Variants in ARHGEF26 observed in about 807,000 individuals in gnomAD.
ARHGEF26 encodes Rho guanine nucleotide exchange factor (GEF) 26.
ARHGEF26 carries 59 observed loss-of-function variants against 89.4 expected under a neutral mutation model. The observed-to-expected ratio is 0.66, with a 90% CI of 0.54 to 0.82. ARHGEF26 has a LOEUF of 0.82. Ranked by LOEUF, ARHGEF26 falls within the 40% of genes least tolerant of loss-of-function variation. ARHGEF26 has a pLI of 0.00. For synonymous variants in ARHGEF26, 500 were observed against 428.4 expected, an observed-to-expected ratio of 1.17 and a Z score of -2.06; for missense variants, 1,234 against 1,085.6, an observed-to-expected ratio of 1.14 and a Z score of -1.92.
In ARHGEF26 at chr3:154,151,047, C is replaced by T. The variant is rs978440444; in HGVS notation, c.1326+1602C>T. 3.1e-4 allele frequency among the ~76,000 whole-genome samples: 47 copies of T among 152,270 alleles called. 1 individual carries two copies. Among genetic ancestry groups the T allele is most frequent in the African/African-American group, 1.1e-3 (44 of 41,542 alleles). On this transcript the variant is annotated intron_variant, in intron 5 of 14. Coordinates refer to ENST00000465093, the MANE Select transcript of ARHGEF26 (RefSeq NM_015595.4). ...ATTTAGATTAGATTACACACTCTCT[C>T]CTTGATGTAATCAGAAGTAAGGAGT...
chr3:154,238,579 C>T (rs1489418693), intron 11 of ARHGEF26, among the ~76,000 whole-genome samples: 1 of 152,168 alleles, frequency 6.6e-6, no homozygotes, highest in African/African-American at 2.4e-5. Context: ...TCCTAGTGTA[C>T]TGGACTAGGC....
chr3:154,186,450 T>A (rs1471608277), intron 6 of ARHGEF26, among the ~76,000 whole-genome samples: 1 of 152,130 alleles, frequency 6.6e-6, no homozygotes. Context: ...TAAATTGCTA[T>A]CTATTTATAC....
chr3:154,167,197 C>A (rs1051097505), intron 6 of ARHGEF26, among the ~76,000 whole-genome samples: 1 of 152,086 alleles, frequency 6.6e-6, no homozygotes, highest in Non-Finnish European at 1.5e-5. Flanking sequence ...ACATCTGATT[C>A]CTTGATAAAA....
intron 11 of ARHGEF26, among the ~76,000 whole-genome samples, chr3:154,239,261 GGAGA>G (rs869046214): frequency 3.8e-4 from 40 of 105,648 alleles, no homozygotes; most frequent in South Asian, 1.1e-3. Flanking sequence ...AGAGAGAGAG[GGAGA>G]GAGAGAGAGA....
At chr3:154,213,408 T>C (rs1239019422) in intron 9 of ARHGEF26, among the ~76,000 whole-genome samples, 1 of 150,670 alleles carries the variant, frequency 6.6e-6, no homozygotes, top group East Asian at 2.0e-4. Context: ...TATGTTCAAA[T>C]TAATGCTTGT....
chr3:154,142,079 A>G (rs1295279532), intron 4 of ARHGEF26, among the ~76,000 whole-genome samples: 3 of 152,226 alleles, frequency 2.0e-5, no homozygotes, highest in African/African-American at 7.2e-5. Flanking sequence ...TGAATGACAC[A>G]GTTGAAATCA....
At chr3:154,249,652 G>T (rs1718005634) in intron 12 of ARHGEF26, among the ~76,000 whole-genome samples, 1 of 152,122 alleles carries the variant, frequency 6.6e-6, no homozygotes, top group Non-Finnish European at 1.5e-5. Context: ...CAGTGTATTT[G>T]CTGTGCACCT....
At chr3:154,149,059 G>A (rs1719856828) in intron 4 of ARHGEF26, among the ~76,000 whole-genome samples, 1 of 152,124 alleles carries the variant, frequency 6.6e-6, no homozygotes, top group Non-Finnish European at 1.5e-5. Flanking sequence ...TCCTGGCCTT[G>A]TTACCTATTA....
At chr3:154,163,554 A>G (rs1711798693) in intron 6 of ARHGEF26, among the ~76,000 whole-genome samples, 1 of 152,174 alleles carries the variant, frequency 6.6e-6, no homozygotes, top group East Asian at 1.9e-4. Flanking sequence ...ACACATCTGG[A>G]AAATTATTTG....
chr3:154,257,171 G>A lies in ARHGEF26; in HGVS notation c.*1698G>A. On this transcript the variant is annotated 3_prime_UTR_variant, in exon 15 of 15. Transcript: ENST00000465093. ...TCACCTCGGCAATGAGCCAGTGTGG[G>A]GCACTGGGGACTTCTAACCCTTGGA... 1.9e-6 allele frequency: 1 copy of A among 537,648 alleles called. No homozygotes were observed. The allele number at this position is 537,648 out of a possible 1,614,324, so 33.3% of individuals were successfully genotyped here. A position where few individuals can be genotyped will look rare whatever the true frequency, so the allele number is the denominator to read the frequency against.
At chr3:154,208,025 T>A (rs1019519609) in intron 9 of ARHGEF26, among the ~76,000 whole-genome samples, 1 of 152,106 alleles carries the variant, frequency 6.6e-6, no homozygotes, top group Non-Finnish European at 1.5e-5. Flanking sequence ...TTCTCACTTA[T>A]AAGTGAGAGC....
In ARHGEF26 at chr3:154,240,481, C is replaced by T. The variant is rs368654826; in HGVS notation, c.2202C>T (p.Leu734=). The T allele has an allele frequency of 1.9e-6, 3 of 1,613,268 alleles. No individual in the cohort carries two copies. Among genetic ancestry groups the T allele is most frequent in the Non-Finnish European group, 2.5e-6 (3 of 1,179,580 alleles). Residue 734 remains leucine, a synonymous_variant, in exon 12 of 15, where the codon CTC becomes CTT. Transcript: ENST00000465093. ...SSPGKNSSTM[L]YSRQSSASHL... ...CAGGGAAGAACAGCTCCACAATGCT[C>T]TATTCAAGACAGAGCTCTGCCAGTC...
At chr3:154,172,351 T>G (rs1182436696) in intron 6 of ARHGEF26, among the ~76,000 whole-genome samples, 1 of 152,160 alleles carries the variant, frequency 6.6e-6, no homozygotes, top group African/African-American at 2.4e-5. Context: ...TTCATTTGTT[T>G]TCAGAATGTG....
At chr3:154,171,964 G>A (rs140396705) in intron 6 of ARHGEF26, among the ~76,000 whole-genome samples, 1 of 152,130 alleles carries the variant, frequency 6.6e-6, no homozygotes, top group Admixed American at 6.5e-5. Context: ...CAAGCAGGAT[G>A]TAATTTTTTT....
rs1325464846 is a variant in ARHGEF26 at position 154,136,247 on chromosome 3, AAAG to A, written c.1269+6529_1269+6531del. On this transcript the variant is annotated intron_variant, in intron 4 of 14. Coordinates refer to ENST00000465093, the MANE Select transcript of ARHGEF26 (RefSeq NM_015595.4). Reference sequence around the variant, plus strand: ...TAATTTTAATTAAAATATTTTAACTAAAGTATTTTAATTTTAATTAAAGTATTT... The same window carrying A: ...TAATTTTAATTAAAATATTTTAACTATATTTTAATTTTAATTAAAGTATTT... 3.9e-3 allele frequency among the ~76,000 whole-genome samples: 380 copies of A among 97,386 alleles called. 2 individuals carry two copies. Among genetic ancestry groups the A allele is most frequent in the African/African-American group, 0.024 (366 of 15,564 alleles). The allele number at this position is 97,386 out of a possible 152,430, so 63.9% of individuals were successfully genotyped here. A position where few individuals can be genotyped will look rare whatever the true frequency, so the allele number is the denominator to read the frequency against.
chr3:154,207,439 G>A (rs925185174), intron 9 of ARHGEF26, among the ~76,000 whole-genome samples: 1 of 152,136 alleles, frequency 6.6e-6, no homozygotes, highest in Admixed American at 6.5e-5. Flanking sequence ...AGCGGGCAAA[G>A]GACATGAACA....
Position 154,255,744 on chromosome 3 carries a change from T to C in ARHGEF26, c.*271T>C, listed in dbSNP as rs137980039. 2.4e-6 allele frequency: 3 copies of C among 1,230,492 alleles called. No individual in the cohort carries two copies. Among genetic ancestry groups the C allele is most frequent in the Non-Finnish European group, 3.0e-6 (3 of 986,278 alleles). The allele number at this position is 1,230,492 out of a possible 1,614,324, so 76.2% of individuals were successfully genotyped here. Reference sequence around the variant, plus strand: ...GCAGTTCACTTCAGGGATCAGGTCATCTCTGCTCCTCCTAGTTTCACCATG... The same window carrying C: ...GCAGTTCACTTCAGGGATCAGGTCACCTCTGCTCCTCCTAGTTTCACCATG... On this transcript the variant is annotated 3_prime_UTR_variant, in exon 15 of 15. Transcript: ENST00000465093.
At chr3:154,151,880 C>T (rs1720044443) in intron 5 of ARHGEF26, among the ~76,000 whole-genome samples, 1 of 152,306 alleles carries the variant, frequency 6.6e-6, no homozygotes, top group South Asian at 2.1e-4. Context: ...GTGATGAAGA[C>T]AGAATTACCA....
intron 4 of ARHGEF26, among the ~76,000 whole-genome samples, chr3:154,137,950 C>T (rs1576690557): frequency 6.6e-6 from 1 of 152,142 alleles, no homozygotes; most frequent in Admixed American, 6.6e-5. Flanking sequence ...TTTGGCAATA[C>T]TCTTCTGAAA....
Sources: gnomAD v4.1 joint callset for allele counts (sites outside exome capture counted in the v4.1 genomes callset) on GRCh38, gnomAD v4.1.1 for gene constraint, MANE v1.5 for transcripts, NCBI Gene and HGNC (gene_info 2026-07-23, HGNC 2026-07-21) for gene names.